The following MYLK variants were observed in gnomAD, a reference collection of about 807,000 sequenced individuals.
MYLK encodes the protein myosin light chain kinase.
In MYLK, 106 loss-of-function variants were observed where a neutral mutation model predicts 203.4. The ratio of observed to expected loss-of-function variants is 0.52; its 90% CI spans 0.45 to 0.61. The LOEUF is 0.61. Among genes scored for constraint, MYLK ranks in the 20% least tolerant of loss-of-function variants. The pLI is 0.00. For missense variants in MYLK, 2,072 were observed against 2,442.3 expected, an observed-to-expected ratio of 0.85 and a Z score of 3.20; for synonymous variants, 867 against 959.5, an observed-to-expected ratio of 0.90 and a Z score of 1.78.
rs2107802543 is a variant in MYLK at position 123,613,492 on chromosome 3, C to CT, written c.*612_*613insA. ...ATGAGCAGGGACCTGTCTTCAGAAT[C>CT]GAAGAAGCATAATGTCCTTAATGCT... On this transcript the variant is annotated 3_prime_UTR_variant, in exon 34 of 34. Coordinates refer to ENST00000360304, the MANE Select transcript of MYLK (RefSeq NM_053025.4). 1 of 153,474 alleles carries CT rather than the reference C, an allele frequency of 6.5e-6. No homozygotes were observed. The highest frequency in any genetic ancestry group is 6.5e-5 in the Admixed American group (1 of 15,436). 9.5% of individuals were successfully genotyped at this position (153,474 alleles called of 1,614,324 possible).
intron 3 of MYLK, among the ~76,000 whole-genome samples, chr3:123,828,586 G>A (rs2700348): frequency 0.16 from 25,079 of 152,050 alleles, 2,233 homozygotes; most frequent in South Asian, 0.22. Flanking sequence ...ACAGGGAACA[G>A]AAGCAAAAAT....
chr3:123,726,956 A>T (rs1338003400), intron 11 of MYLK, among the ~76,000 whole-genome samples: 1 of 152,218 alleles, frequency 6.6e-6, no homozygotes, highest in African/African-American at 2.4e-5. Context: ...TCAATACAGA[A>T]ATGAGAAGAA....
Position 123,877,949 on chromosome 3 carries a change from A to C in MYLK, c.-185-1332T>G, listed in dbSNP as rs113956520. 3.4e-3 allele frequency among the ~76,000 whole-genome samples: 524 copies of C among 152,320 alleles called. 1 individual carries two copies. Among genetic ancestry groups the C allele is most frequent in the African/African-American group, 0.012 (503 of 41,556 alleles). On this transcript the variant is annotated intron_variant, in intron 1 of 33. Transcript: ENST00000360304. ...GTTAGAATGAAGTATACCTAGCCCT[A>C]CAGAAGACATAACTGAAGAAGTGAG...
At chr3:123,869,929 G>A (rs1283549495) in intron 2 of MYLK, among the ~76,000 whole-genome samples, 2 of 146,422 alleles carry the variant, frequency 1.4e-5, no homozygotes, top group Admixed American at 1.4e-4. Context: ...AAATCTACCT[G>A]TGCAAAATCC....
rs755638416 is a variant in MYLK, at chr3:123,707,789, C to T, written c.2355G>A (p.Gln785=). 6.2e-6 allele frequency: 10 copies of T among 1,614,190 alleles called. No homozygotes were observed. Among genetic ancestry groups the T allele is most frequent in the Non-Finnish European group, 8.5e-6 (10 of 1,180,030 alleles). ...DVFTLVLKKV[Q]PWHAGQYEIL... ...TCTCATACTGGCCGGCATGCCAGGG[C>T]TGCACCTTCTTTAGAACCAGGGTGA... The change falls in exon 16 of 34, where the codon CAG becomes CAA. Residue 785 remains glutamine, a synonymous_variant. Coordinates refer to ENST00000360304, the MANE Select transcript of MYLK (RefSeq NM_053025.4).
chr3:123,858,057 G>C (rs2031570047), intron 2 of MYLK, among the ~76,000 whole-genome samples: 1 of 152,180 alleles, frequency 6.6e-6, no homozygotes, highest in African/African-American at 2.4e-5. Flanking sequence ...ATTGGATTCT[G>C]GGCCATCTTC....
chr3:123,813,867 G>A lies in MYLK; in HGVS notation c.-4+17681C>T, dbSNP rs2065649527. Among the ~76,000 whole-genome samples, 5 of 152,218 alleles carry A rather than the reference G, an allele frequency of 3.3e-5. No individual in the cohort carries two copies. The South Asian group carries it at 1.0e-3, about 32-fold the overall frequency. The stretch of plus-strand genomic sequence containing the variant: ...CAGCAGAGCAACTGTCATCAACCCA[G>A]AATGTCCTCCAACCTCCTTTTCAAT... On this transcript the variant is annotated intron_variant, in intron 3 of 33. Transcript: ENST00000360304.
intron 4 of MYLK, among the ~76,000 whole-genome samples, chr3:123,771,241 AG>A (rs2063871844): frequency 6.6e-6 from 1 of 152,182 alleles, no homozygotes; most frequent in South Asian, 2.1e-4. Context: ...TGAACTTTTC[AG>A]GTTTTCAACT....
intron 3 of MYLK, among the ~76,000 whole-genome samples, chr3:123,822,638 T>C (rs1438801255): frequency 6.6e-6 from 1 of 152,188 alleles, no homozygotes; most frequent in East Asian, 1.9e-4. Flanking sequence ...ATGACCACGT[T>C]TGTGGGGCTG....
chr3:123,788,049 G>A (rs2064609507), intron 4 of MYLK, among the ~76,000 whole-genome samples: 1 of 152,132 alleles, frequency 6.6e-6, no homozygotes, highest in South Asian at 2.1e-4. Flanking sequence ...TTTCATGCAA[G>A]GGGAACCATC....
Position 123,708,709 on chromosome 3 carries a change from A to T in MYLK, c.2129T>A (p.Leu710His). The change falls in exon 15 of 34, where the codon CTC (leucine) becomes CAC (histidine). Residue 710 changes from leucine (L) to histidine (H), a missense_variant. This residue lies in a region of MYLK where 865 missense variants were observed against 1,016.0 expected (regional missense o/e 0.85). Transcript: ENST00000360304. The stretch of plus-strand genomic sequence containing the variant: ...TGGGTCAGCCTCACCTTGTACCGTG[A>T]GCACGGCCTGGGTGCGGACCTCTCC... Reference protein sequence around the residue: ...SAGEVRTQAVLTVQEPHDGTQ... With the variant: ...SAGEVRTQAVHTVQEPHDGTQ... The T allele has an allele frequency of 1.9e-6, 3 of 1,614,054 alleles. No individual in the cohort carries two copies. Among genetic ancestry groups the T allele is most frequent in the Non-Finnish European group, 2.5e-6 (3 of 1,180,026 alleles).
intron 2 of MYLK, among the ~76,000 whole-genome samples, chr3:123,859,984 C>T (rs2031752631): frequency 6.6e-6 from 1 of 151,948 alleles, no homozygotes; most frequent in East Asian, 1.9e-4. Flanking sequence ...AAAACTCCCC[C>T]TCAGAAGGAA....
At chr3:123,673,168 T>C (rs1416245600) in intron 20 of MYLK, among the ~76,000 whole-genome samples, 31 of 150,730 alleles carry the variant, frequency 2.1e-4, no homozygotes, top group African/African-American at 4.6e-4. Flanking sequence ...TTTCTTTTTT[T>C]TTTTTTTTTT....
chr3:123,644,024 A>G (rs894315399), intron 27 of MYLK, among the ~76,000 whole-genome samples: 2 of 152,242 alleles, frequency 1.3e-5, no homozygotes, highest in Admixed American at 6.5e-5. Context: ...TGTCAGACCA[A>G]CTACTATATG....
Position 123,784,376 on chromosome 3 carries a change from C to CTTTT in MYLK, c.165+9297_165+9300dup, listed in dbSNP as rs576849217. On this transcript the variant is annotated intron_variant, in intron 4 of 33. Coordinates refer to ENST00000360304, the MANE Select transcript of MYLK (RefSeq NM_053025.4). Reference sequence around the variant, plus strand: ...CAAATACGGCTCATGGGTTGACTTTCTTTTTTTTTTTTTTTTTTTTTTTTT... The same window carrying CTTTT: ...CAAATACGGCTCATGGGTTGACTTTCTTTTTTTTTTTTTTTTTTTTTTTTTTTTT... Among the ~76,000 whole-genome samples, 112 of 78,676 alleles carry CTTTT rather than the reference C, an allele frequency of 1.4e-3. 8 individuals carry two copies. The highest frequency in any genetic ancestry group is 5.0e-3 in the East Asian group (11 of 2,210). The allele number at this position is 78,676 out of a possible 152,430, so 51.6% of individuals were successfully genotyped here.
At chr3:123,722,680 T>A (rs2062136624) in intron 12 of MYLK, among the ~76,000 whole-genome samples, 1 of 152,204 alleles carries the variant, frequency 6.6e-6, no homozygotes, top group South Asian at 2.1e-4. Context: ...CACGGTCATC[T>A]GGCCCATAGC....
chr3:123,751,187 GTTAC>G (rs2063181337), intron 5 of MYLK, among the ~76,000 whole-genome samples: 1 of 152,198 alleles, frequency 6.6e-6, no homozygotes, highest in Non-Finnish European at 1.5e-5. Context: ...GGAACCTTGT[GTTAC>G]TTCTGAGGGG....
Position 123,640,410 on chromosome 3 carries a change from C to T in MYLK, c.4714G>A (p.Gly1572Arg), listed in dbSNP as rs1576401837. 2 of 1,614,002 alleles carry T rather than the reference C, an allele frequency of 1.2e-6. No homozygotes were observed. Among genetic ancestry groups the T allele is most frequent in the Non-Finnish European group, 1.7e-6 (2 of 1,180,000 alleles). The change falls in exon 28 of 34, where the codon GGA (glycine) becomes AGA (arginine). Residue 1572 changes from glycine (G) to arginine (R), a missense_variant. Gly to Arg is a moderately radical substitution (Grantham distance 125). Around this residue, in one of 3 missense-constraint regions of MYLK, gnomAD observed 524 missense variants for 782.4 expected, o/e 0.67. Coordinates refer to ENST00000360304, the MANE Select transcript of MYLK (RefSeq NM_053025.4). This position sits in a 1 kb window ranked among gnomAD's most constrained non-coding sequence, Gnocchi z 4.3. Reference protein sequence around the residue: ...CIKYMRQISEGVEYIHKQGIV... With the variant: ...CIKYMRQISERVEYIHKQGIV... ...CCCTGCTTGTGGATGTACTCCACTC[C>T]CTCCGAGATCTGCCGCATGTACTTG...
intron 17 of MYLK, 122 bp downstream of exon 17, chr3:123,701,316 G>A: frequency 9.5e-7 from 1 of 1,050,746 alleles, no homozygotes. Flanking sequence ...CTCCCTTCTG[G>A]CTTTGGCAGC....
Sources: allele counts gnomAD v4.1 joint callset (sites outside exome capture counted in the v4.1 genomes callset), GRCh38; gene constraint gnomAD v4.1.1; regional missense constraint gnomAD v4.1.1; non-coding constraint Gnocchi (gnomAD v3.1); transcripts MANE v1.5; gene names NCBI Gene and HGNC (gene_info 2026-07-23, HGNC 2026-07-21).